Variants in MCC observed in about 807,000 individuals in gnomAD.
MCC encodes MCC regulator of Wnt signaling pathway.
Under a neutral mutation model 116.2 loss-of-function variants are expected in MCC, and 90 were observed. The ratio of observed to expected loss-of-function variants is 0.77; its 90% CI spans 0.65 to 0.92. The LOEUF (loss-of-function observed/expected upper bound fraction) is 0.92, where lower values mean the gene tolerates loss of function less well. Among genes scored for constraint, MCC ranks in the 40% least tolerant of loss-of-function variants. MCC has a pLI of 0.00. For missense variants in MCC, 1,516 were observed against 1,312.2 expected (o/e 1.16, Z -2.40); for synonymous variants, 578 against 510.5 (o/e 1.13, Z -1.78).
At chr5:113,264,270 C>T (rs1345338350) in intron 3 of MCC, among the ~76,000 whole-genome samples, 1 of 152,130 alleles carries the variant, frequency 6.6e-6, no homozygotes, top group South Asian at 2.1e-4. Flanking sequence ...CTTGGTTTCT[C>T]TATATAAATA....
intron 1 of MCC, among the ~76,000 whole-genome samples, chr5:113,462,927 C>T (rs550754066): frequency 5.3e-5 from 8 of 151,896 alleles, no homozygotes; most frequent in African/African-American, 4.8e-5. Flanking sequence ...ACAATTCCCA[C>T]GAATGAACAT....
intron 15 of MCC, among the ~76,000 whole-genome samples, chr5:113,051,064 G>A (rs1229327236): frequency 6.6e-6 from 1 of 152,230 alleles, no homozygotes; most frequent in African/African-American, 2.4e-5. Flanking sequence ...CTTGTGTCAT[G>A]TGTAGGTGTG....
At chr5:113,126,632 C>T (rs1425120584) in intron 5 of MCC, among the ~76,000 whole-genome samples, 2 of 152,080 alleles carry the variant, frequency 1.3e-5, no homozygotes, top group Non-Finnish European at 2.9e-5. Flanking sequence ...GAAATATATA[C>T]ATTAGGTTGA....
At position 113,201,810 on chromosome 5, in the gene MCC, T is replaced by G. The variant is rs57123755; in HGVS notation, c.628-50388A>C. On this transcript the variant is annotated intron_variant, in intron 3 of 18. Transcript: ENST00000408903. Reference sequence around the variant, plus strand: ...GAAAAGTCTTATTCTGCTAGAGGGCTAGATTAAAATCAAGCAAGTTTTTAC... The same window carrying G: ...GAAAAGTCTTATTCTGCTAGAGGGCGAGATTAAAATCAAGCAAGTTTTTAC... Among the ~76,000 whole-genome samples the G allele has an allele frequency of 8.9e-3, 1,351 of 152,252 alleles. 28 individuals carry two copies. Among genetic ancestry groups the G allele is most frequent in the African/African-American group, 0.031 (1,270 of 41,530 alleles).
intron 3 of MCC, among the ~76,000 whole-genome samples, chr5:113,156,276 T>C (rs1760165572): frequency 6.6e-6 from 1 of 152,220 alleles, no homozygotes; most frequent in South Asian, 2.1e-4. Flanking sequence ...TGGGTTCAAA[T>C]CTTATCTATG....
chr5:113,073,950 G>T (rs1481420768), intron 11 of MCC, among the ~76,000 whole-genome samples: 1 of 152,232 alleles, frequency 6.6e-6, no homozygotes, highest in Non-Finnish European at 1.5e-5. Flanking sequence ...CCACCGCTGG[G>T]GGCAGGGCAT....
chr5:113,084,296 G>T, intron 9 of MCC, 106 bp from the exon 10 acceptor site: 1 of 866,682 alleles, frequency 1.2e-6, no homozygotes, highest in Non-Finnish European at 1.9e-6. Flanking sequence ...TCAACTAAAT[G>T]ATTAAAGAAC....
At chr5:113,184,053 A>G (rs1761764943) in intron 3 of MCC, among the ~76,000 whole-genome samples, 2 of 152,208 alleles carry the variant, frequency 1.3e-5, no homozygotes, top group South Asian at 4.1e-4. Flanking sequence ...TCTAAAGCTC[A>G]TTAGGGGAGA....
At chr5:113,090,270 A>T (rs1054233359) in intron 8 of MCC, among the ~76,000 whole-genome samples, 1 of 151,096 alleles carries the variant, frequency 6.6e-6, no homozygotes, top group Admixed American at 6.6e-5. Context: ...CGAAACAGGG[A>T]CTCCCATCTG....
intron 17 of MCC, among the ~76,000 whole-genome samples, chr5:113,031,279 G>A (rs1340503524): frequency 3.3e-5 from 5 of 152,126 alleles, no homozygotes; most frequent in African/African-American, 1.2e-4. Context: ...AGGAGCGTGT[G>A]TTTTTCCTGG....
chr5:113,382,315 G>A (rs926053761), intron 2 of MCC, among the ~76,000 whole-genome samples: 1 of 146,944 alleles, frequency 6.8e-6, no homozygotes, highest in Non-Finnish European at 1.5e-5. Flanking sequence ...CTATCACCCC[G>A]GCTGGAGTGC....
rs779223124 is a variant in MCC, at chr5:113,024,887, T to A, written c.*2415A>T. 3 of 152,142 alleles carry A rather than the reference T, an allele frequency of 2.0e-5. No individual in the cohort carries two copies. Among genetic ancestry groups the A allele is most frequent in the Non-Finnish European group, 4.4e-5 (3 of 68,030 alleles). The allele number at this position is 152,142 out of a possible 1,614,324, so 9.4% of individuals were successfully genotyped here. ...TTATAGCTTTTTTATTATACATATT[T>A]ATAAAAAATTAACACTTTTGCCTGC... On this transcript the variant is annotated 3_prime_UTR_variant, in exon 19 of 19. Transcript: ENST00000408903.
intron 8 of MCC, chr5:113,101,421 C>A (rs1028144298): frequency 3.7e-6 from 1 of 272,978 alleles, no homozygotes; most frequent in Non-Finnish European, 6.9e-6. Context: ...ATTAGTTTAT[C>A]CTAAAGAACA....
chr5:113,081,080 C>A (rs1379864534), intron 11 of MCC, among the ~76,000 whole-genome samples: 1 of 152,196 alleles, frequency 6.6e-6, no homozygotes, highest in African/African-American at 2.4e-5. Context: ...ATGACCCCCC[C>A]TCCCCTGCCA....
At chr5:113,401,025 G>C (rs1050817621) in intron 1 of MCC, among the ~76,000 whole-genome samples, 1 of 152,080 alleles carries the variant, frequency 6.6e-6, no homozygotes, top group African/African-American at 2.4e-5. Context: ...ATAGAAAGAG[G>C]GAATACTTGG....
chr5:113,460,209 C>T (rs1232157024), intron 1 of MCC, among the ~76,000 whole-genome samples: 1 of 152,118 alleles, frequency 6.6e-6, no homozygotes, highest in Non-Finnish European at 1.5e-5. Flanking sequence ...TGGGGAATAT[C>T]ATACATGAAG....
chr5:113,342,483 C>T (rs561465729), intron 2 of MCC, among the ~76,000 whole-genome samples: 16 of 151,980 alleles, frequency 1.1e-4, no homozygotes, highest in South Asian at 1.0e-3. Flanking sequence ...TTATTACAGA[C>T]GATTAGAAGG....
At chr5:113,067,537 T>C (rs1219645811) in intron 13 of MCC, among the ~76,000 whole-genome samples, 16 of 152,178 alleles carry the variant, frequency 1.1e-4, no homozygotes, top group African/African-American at 3.6e-4. Context: ...CTTGGGAGGC[T>C]GAGGCAGGAG....
At chr5:113,351,307 T>C (rs901739273) in intron 2 of MCC, among the ~76,000 whole-genome samples, 9 of 152,244 alleles carry the variant, frequency 5.9e-5, no homozygotes, top group South Asian at 2.1e-4. Context: ...AATAGATGAA[T>C]GGATGAAGAG....
Sources: gnomAD v4.1 joint callset for allele counts (sites outside exome capture counted in the v4.1 genomes callset) on GRCh38, gnomAD v4.1.1 for gene constraint, MANE v1.5 for transcripts, NCBI Gene and HGNC (gene_info 2026-07-23, HGNC 2026-07-21) for gene names.